Variants in DLG1 observed in about 807,000 individuals in gnomAD.
DLG1 encodes the protein disks large homolog 1.
In DLG1, 42 loss-of-function variants were observed where a neutral mutation model predicts 123.4. The ratio of observed to expected loss-of-function variants is 0.34; its 90% CI spans 0.27 to 0.44. The LOEUF is 0.44. DLG1 is among the 20% of genes least tolerant of loss of function. DLG1 has a pLI of 1.00. For synonymous variants in DLG1, 317 were observed against 356.2 expected (o/e 0.89, Z 1.24); for missense variants, 942 against 1,082.6 (o/e 0.87, Z 1.82).
chr3:197,140,425 G>C (rs916434594), intron 7 of DLG1, among the ~76,000 whole-genome samples, 161 bp from the exon 8 acceptor site: 13 of 152,198 alleles, frequency 8.5e-5, no homozygotes, highest in Non-Finnish European at 7.4e-5. Context: ...GACTTGTTCT[G>C]GAGGAAAGTC....
At chr3:197,208,666 C>T (rs982143351) in intron 4 of DLG1, among the ~76,000 whole-genome samples, 3 of 142,664 alleles carry the variant, frequency 2.1e-5, no homozygotes, top group South Asian at 2.8e-4. Flanking sequence ...ATAGTATAGA[C>T]TACACTCCTG....
intron 5 of DLG1, among the ~76,000 whole-genome samples, chr3:197,173,192 G>A (rs1195087767): frequency 6.6e-6 from 1 of 152,052 alleles, no homozygotes; most frequent in African/African-American, 2.4e-5. Flanking sequence ...GCTAAAACAT[G>A]GTTGCTTCTC....
chr3:197,049,889 C>T (rs1174179781), intron 24 of DLG1, among the ~76,000 whole-genome samples: 1 of 152,108 alleles, frequency 6.6e-6, no homozygotes, highest in Non-Finnish European at 1.5e-5. Context: ...ATAGCGAGAC[C>T]CTGTCTCTAC....
rs908626044 is a variant in DLG1 at position 197,297,903 on chromosome 3, G to C, written c.-32+633C>G. The C allele has an allele frequency of 2.2e-5, 22 of 984,604 alleles. No individual in the cohort carries two copies. In the African/African-American group the frequency reaches 2.8e-4, roughly 13 times the overall value. The allele number at this position is 984,604 out of a possible 1,614,324, so 61.0% of individuals were successfully genotyped here. On this transcript the variant is annotated intron_variant, in intron 1 of 24. Transcript: ENST00000667157. Reference sequence around the variant, plus strand: ...GCTCCACGTACCCCCGCCCCGCCCGGGGCCCGCGGAGCCGAGCGGAGGGGG... The same window carrying C: ...GCTCCACGTACCCCCGCCCCGCCCGCGGCCCGCGGAGCCGAGCGGAGGGGG...
At chr3:197,055,781 C>T (rs558522169) in intron 23 of DLG1, among the ~76,000 whole-genome samples, 8 of 152,108 alleles carry the variant, frequency 5.3e-5, no homozygotes, top group Non-Finnish European at 8.8e-5. Flanking sequence ...CACTAATCAC[C>T]ACTGAAGGCA....
At chr3:197,227,990 G>A (rs1179486715) in intron 4 of DLG1, among the ~76,000 whole-genome samples, 1 of 152,242 alleles carries the variant, frequency 6.6e-6, no homozygotes, top group Non-Finnish European at 1.5e-5. Context: ...AGCCATAGTT[G>A]TTAAGCTGTG....
At chr3:197,220,154 T>A (rs1736215363) in intron 4 of DLG1, among the ~76,000 whole-genome samples, 1 of 152,234 alleles carries the variant, frequency 6.6e-6, no homozygotes, top group African/African-American at 2.4e-5. Context: ...ATATACCTAG[T>A]GCACAGGTGC....
rs182961168 is a variant in DLG1, at chr3:197,167,760, T to A, written c.484-17964A>T. On this transcript the variant is annotated intron_variant, in intron 5 of 24. Transcript: ENST00000667157. ...GTATAGAATTTGATGAGTTTGCACA[T>A]AGGCATACATCTATGAAGCCACTGC... 2.1e-4 allele frequency among the ~76,000 whole-genome samples: 32 copies of A among 152,358 alleles called. 1 individual carries two copies. Among genetic ancestry groups the A allele is most frequent in the South Asian group, 1.4e-3 (7 of 4,832 alleles).
At chr3:197,121,186 T>C (rs1274238495) in intron 11 of DLG1, among the ~76,000 whole-genome samples, 1 of 152,122 alleles carries the variant, frequency 6.6e-6, no homozygotes, top group Non-Finnish European at 1.5e-5. Flanking sequence ...GGGCAGTTAA[T>C]CTCACATGTA....
intron 24 of DLG1, 132 bp downstream of exon 24, chr3:197,051,445 T>G: frequency 1.6e-6 from 1 of 634,728 alleles, no homozygotes; most frequent in Non-Finnish European, 2.7e-6. Context: ...CCAGCACCAC[T>G]GCCTAGGCTG....
At chr3:197,105,845 C>T (rs1353537109) in intron 13 of DLG1, among the ~76,000 whole-genome samples, 2 of 151,864 alleles carry the variant, frequency 1.3e-5, no homozygotes, top group Non-Finnish European at 2.9e-5. Flanking sequence ...AATTAAGAAG[C>T]AACAATGAAT....
intron 5 of DLG1, among the ~76,000 whole-genome samples, chr3:197,169,959 C>T (rs373734786): frequency 1.3e-5 from 2 of 152,236 alleles, no homozygotes; most frequent in South Asian, 2.1e-4. Flanking sequence ...CCGCTCTATG[C>T]GTCCACCTGT....
chr3:197,076,917 T>C (rs41284055), intron 17 of DLG1, among the ~76,000 whole-genome samples: 1,575 of 152,274 alleles, frequency 0.01, 15 homozygotes, highest in Non-Finnish European at 0.015. Context: ...TACCTAAAAA[T>C]AAAAATGCTA....
At chr3:197,144,858 C>A (rs1400528123) in intron 6 of DLG1, among the ~76,000 whole-genome samples, 1 of 151,980 alleles carries the variant, frequency 6.6e-6, no homozygotes, top group Non-Finnish European at 1.5e-5. Flanking sequence ...ACTCTGTTAC[C>A]CAGGCTGGAA....
chr3:197,250,478 G>C (rs540284224), intron 4 of DLG1, among the ~76,000 whole-genome samples: 1 of 151,456 alleles, frequency 6.6e-6, no homozygotes, highest in African/African-American at 2.4e-5. Context: ...CTGAGGCAGG[G>C]GAATCAGTTG....
intron 4 of DLG1, among the ~76,000 whole-genome samples, chr3:197,264,045 CA>C (rs1760676730): frequency 6.6e-6 from 1 of 152,100 alleles, no homozygotes; most frequent in South Asian, 2.1e-4. Flanking sequence ...GTCAAATATC[CA>C]AATTAATCAG....
At position 197,209,551 on chromosome 3, in the gene DLG1, T is replaced by C. The variant is rs918254648; in HGVS notation, c.319-14962A>G. 1.1e-4 allele frequency among the ~76,000 whole-genome samples: 16 copies of C among 146,470 alleles called. 1 individual carries two copies. The highest frequency in any genetic ancestry group is 3.6e-4 in the African/African-American group (15 of 41,176). On this transcript the variant is annotated intron_variant, in intron 4 of 24. Transcript: ENST00000667157. ...ATTAACATTTATGATAAACAACACT[T>C]AACAACTGAAGAAAATACATCACCT... is the stretch of plus-strand genomic sequence containing the variant.
chr3:197,199,817 C>A (rs541625300), intron 4 of DLG1, among the ~76,000 whole-genome samples: 1 of 152,176 alleles, frequency 6.6e-6, no homozygotes, highest in Admixed American at 6.5e-5. Flanking sequence ...TAAGGCCTCC[C>A]TAAGGATGGT....
intron 23 of DLG1, 121 bp downstream of exon 23, chr3:197,059,768 A>G: frequency 1.6e-6 from 1 of 643,386 alleles, no homozygotes; most frequent in Non-Finnish European, 2.7e-6. Context: ...ATCTGAGGTG[A>G]ATAAACATAC....
Sources: gnomAD v4.1 joint callset for allele counts (sites outside exome capture counted in the v4.1 genomes callset) on GRCh38, gnomAD v4.1.1 for gene constraint, MANE v1.5 for transcripts, NCBI Gene and HGNC (gene_info 2026-07-23, HGNC 2026-07-21) for gene names.